The following PRR16 variants were observed in gnomAD, a reference collection of about 807,000 sequenced individuals.
PRR16 encodes the protein protein Largen.
Under a neutral mutation model 18.2 loss-of-function variants are expected in PRR16, and 6 were observed. The observed-to-expected ratio is 0.33, with a 90% CI of 0.18 to 0.65. The LOEUF is 0.65. Ranked by LOEUF, PRR16 falls within the 30% of genes least tolerant of loss-of-function variation. The probability of loss-of-function intolerance (pLI) is 0.74; values close to 1 mark genes in which losing one functional copy is unlikely to be tolerated. For missense variants in PRR16, 412 were observed against 376.6 expected (o/e 1.09, Z -0.78); for synonymous variants, 151 against 147.8 (o/e 1.02, Z -0.16).
the PRR16 span, among the ~76,000 whole-genome samples, chr5:120,783,140 TAAGA>T: frequency 5.3e-5 from 8 of 152,184 alleles, no homozygotes; most frequent in Admixed American, 1.3e-4. Context: ...ATATAATTCA[TAAGA>T]AAGAATTATT....
intron 1 of PRR16, among the ~76,000 whole-genome samples, chr5:120,465,171 C>G (rs909089058): frequency 6.6e-6 from 1 of 152,162 alleles, no homozygotes; most frequent in Non-Finnish European, 1.5e-5. Context: ...GTCTCTCGAG[C>G]CTCGCTGTAG....
At chr5:120,631,756 C>T (rs192084122) in intron 1 of PRR16, among the ~76,000 whole-genome samples, 3 of 152,246 alleles carry the variant, frequency 2.0e-5, no homozygotes, top group South Asian at 4.2e-4. Flanking sequence ...CCTCTACCCA[C>T]CCTGGTAGCC....
chr5:120,752,753 A>T, the PRR16 span, among the ~76,000 whole-genome samples: 1 of 151,974 alleles, frequency 6.6e-6, no homozygotes, highest in South Asian at 2.1e-4. Flanking sequence ...TTATAAATCA[A>T]TTTAGCTCAA....
intron 1 of PRR16, among the ~76,000 whole-genome samples, chr5:120,629,623 T>G (rs746405692): frequency 6.6e-6 from 1 of 152,174 alleles, no homozygotes; most frequent in African/African-American, 2.4e-5. Context: ...TTAAATTTAC[T>G]GACATGCTTT....
At chr5:120,722,945 T>C in the PRR16 span, among the ~76,000 whole-genome samples, 1 of 151,424 alleles carries the variant, frequency 6.6e-6, no homozygotes, top group Non-Finnish European at 1.5e-5. Flanking sequence ...ATACTCTCCA[T>C]ATATTTTAAG....
chr5:120,576,982 C>T (rs902383014), intron 1 of PRR16, among the ~76,000 whole-genome samples: 1 of 151,582 alleles, frequency 6.6e-6, no homozygotes, highest in African/African-American at 2.4e-5. Flanking sequence ...TTATAACATC[C>T]ATTTGTTCTA....
At chr5:120,605,959 A>G (rs1343967634) in intron 1 of PRR16, among the ~76,000 whole-genome samples, 2 of 152,168 alleles carry the variant, frequency 1.3e-5, no homozygotes, top group Non-Finnish European at 2.9e-5. Flanking sequence ...CACTCCAGCC[A>G]GGCAGTATGT....
rs532600920 is a variant in PRR16, at chr5:120,683,609, T to A, written c.160-2345T>A. ...TAATTATTTTACTGCAGTTCACTAT[T>A]ATTTGTGCTCCTGAGTTTATTTATG... On this transcript the variant is annotated intron_variant, in intron 1 of 1. Transcript: ENST00000407149. Among the ~76,000 whole-genome samples the A allele has an allele frequency of 3.9e-4, 59 of 152,214 alleles. 1 individual carries two copies. The highest frequency in any genetic ancestry group is 5.6e-4 in the Non-Finnish European group (38 of 68,028).
rs529883837 is a variant in PRR16, at chr5:120,675,446, A to G, written c.160-10508A>G. Among the ~76,000 whole-genome samples, 348 of 152,196 alleles carry G rather than the reference A, an allele frequency of 2.3e-3. 2 individuals carry two copies. Among genetic ancestry groups the G allele is most frequent in the African/African-American group, 7.9e-3 (327 of 41,536 alleles). ...AAATACAGTGATTCAACAATGCCCC[A>G]CTCTAACTTTTGTATTACTTCTCAC... is the stretch of plus-strand genomic sequence containing the variant. On this transcript the variant is annotated intron_variant, in intron 1 of 1. Coordinates refer to ENST00000407149, the MANE Select transcript of PRR16 (RefSeq NM_001300783.2).
the PRR16 span, among the ~76,000 whole-genome samples, chr5:120,782,332 C>A: frequency 6.6e-6 from 1 of 152,148 alleles, no homozygotes; most frequent in African/African-American, 2.4e-5. Flanking sequence ...ATACATGCAG[C>A]CCACCCTCAT....
At chr5:120,773,938 CAT>C in the PRR16 span, among the ~76,000 whole-genome samples, 2 of 152,074 alleles carry the variant, frequency 1.3e-5, no homozygotes, top group Non-Finnish European at 2.9e-5. Context: ...TGGGTATTAA[CAT>C]ATTTTTGTAC....
At chr5:120,531,707 C>G (rs1412168173) in intron 1 of PRR16, 3 of 151,908 alleles carry the variant, frequency 2.0e-5, no homozygotes, top group Non-Finnish European at 4.4e-5. Context: ...TCACAACTCC[C>G]TAGATTGGCA....
intron 1 of PRR16, among the ~76,000 whole-genome samples, chr5:120,515,987 A>G (rs1159601685): frequency 6.6e-6 from 1 of 152,132 alleles, no homozygotes; most frequent in African/African-American, 2.4e-5. Flanking sequence ...TTCTTTTTCT[A>G]TATTGACAAT....
rs556741857 is a variant in PRR16 at position 120,606,731 on chromosome 5, C to A, written c.160-79223C>A. Among the ~76,000 whole-genome samples the A allele has an allele frequency of 1.1e-4, 16 of 151,990 alleles. No individual in the cohort carries two copies. In the South Asian group the frequency reaches 3.3e-3, roughly 32 times the overall value. ...AAGCTTGGGCAACATAGTGAGACCTCATCTCTGCAGAAAATGAAAAAAGAA... is the reference window on the plus strand; with the variant it reads ...AAGCTTGGGCAACATAGTGAGACCTAATCTCTGCAGAAAATGAAAAAAGAA... On this transcript the variant is annotated intron_variant, in intron 1 of 1. Transcript: ENST00000407149.
At chr5:120,476,225 A>G (rs1196636308) in intron 1 of PRR16, among the ~76,000 whole-genome samples, 1 of 152,112 alleles carries the variant, frequency 6.6e-6, no homozygotes, top group Non-Finnish European at 1.5e-5. Flanking sequence ...AAAATGTCAA[A>G]TGATCAAACC....
At chr5:120,606,517 A>T (rs1754158505) in intron 1 of PRR16, among the ~76,000 whole-genome samples, 1 of 152,126 alleles carries the variant, frequency 6.6e-6, no homozygotes, top group Non-Finnish European at 1.5e-5. Flanking sequence ...ATGTTTTTCT[A>T]AGTAATATTA....
chr5:120,518,727 G>A (rs140267845), intron 1 of PRR16, among the ~76,000 whole-genome samples: 1 of 152,040 alleles, frequency 6.6e-6, no homozygotes, highest in Non-Finnish European at 1.5e-5. Context: ...TGAACAACGG[G>A]TCTGAACAGA....
the PRR16 span, among the ~76,000 whole-genome samples, chr5:120,782,917 T>TAAAG: frequency 3.3e-5 from 5 of 152,280 alleles, no homozygotes; most frequent in East Asian, 7.7e-4. Context: ...CATCTAATCT[T>TAAAG]AAAGATTTAA....
intron 1 of PRR16, among the ~76,000 whole-genome samples, chr5:120,677,905 CTTTTTT>C (rs386404833): frequency 3.2e-5 from 3 of 93,218 alleles, no homozygotes; most frequent in Admixed American, 1.5e-4. Context: ...CTTTTTCTTT[CTTTTTT>C]TTTTTTTTTT....
Sources: allele counts gnomAD v4.1 joint callset (sites outside exome capture counted in the v4.1 genomes callset), GRCh38; gene constraint gnomAD v4.1.1; transcripts MANE v1.5; gene names NCBI Gene and HGNC (gene_info 2026-07-23, HGNC 2026-07-21).